DYNC2H1: variants seen among roughly 807,000 people sequenced by gnomAD.
DYNC2H1 encodes cytoplasmic dynein 2 heavy chain 1.
DYNC2H1 carries 410 observed loss-of-function variants against 570.0 expected under a neutral mutation model. The observed-to-expected ratio is 0.72, with a 90% CI of 0.66 to 0.78. DYNC2H1 has a LOEUF of 0.78. Ranked by LOEUF, DYNC2H1 falls within the 30% of genes least tolerant of loss-of-function variation. The pLI is 0.00. For synonymous variants in DYNC2H1, 1,688 were observed against 1,677.6 expected (o/e 1.01, Z -0.15); for missense variants, 4,865 against 5,046.4 (o/e 0.96, Z 1.09).
rs549847753 is a variant in DYNC2H1, at chr11:103,151,672, G to C, written c.2947-464G>C. 7.4e-4 allele frequency among the ~76,000 whole-genome samples: 112 copies of C among 152,196 alleles called. No homozygotes were observed. Among genetic ancestry groups the C allele is most frequent in the African/African-American group, 2.6e-3 (110 of 41,542 alleles). ...TGAGCTTAATTTCACTTCTTTAGTTGTCTGTTTCTTAAGTACCTTTTTTCA... is the reference window on the plus strand; with the variant it reads ...TGAGCTTAATTTCACTTCTTTAGTTCTCTGTTTCTTAAGTACCTTTTTTCA... On this transcript the variant is annotated intron_variant, in intron 20 of 88. Transcript: ENST00000375735. This position sits in a 1 kb window ranked among gnomAD's most constrained non-coding sequence, Gnocchi z 4.6.
intron 84 of DYNC2H1, among the ~76,000 whole-genome samples, chr11:103,423,419 A>C (rs56403336): frequency 3.3e-5 from 1 of 30,064 alleles, no homozygotes; most frequent in South Asian, 1.9e-3. Context: ...AAAAAAAAAA[A>C]AAAAAAAAAA....
intron 87 of DYNC2H1, among the ~76,000 whole-genome samples, chr11:103,457,930 A>G (rs1015542288): frequency 6.6e-6 from 1 of 152,250 alleles, no homozygotes; most frequent in Non-Finnish European, 1.5e-5. Flanking sequence ...CTTAAAACAT[A>G]AACACGAGAT....
intron 70 of DYNC2H1, among the ~76,000 whole-genome samples, chr11:103,267,179 T>C (rs989861018): frequency 1.6e-4 from 24 of 152,010 alleles, no homozygotes; most frequent in Non-Finnish European, 1.2e-4. Context: ...CCAGAGCCAC[T>C]GAGGGCCAGG....
At chr11:103,182,439 A>G (rs1861892990) in intron 40 of DYNC2H1, among the ~76,000 whole-genome samples, 1 of 151,766 alleles carries the variant, frequency 6.6e-6, no homozygotes, top group African/African-American at 2.4e-5. Flanking sequence ...AAAACATTGA[A>G]TATCTAATAT....
In DYNC2H1 at chr11:103,249,745, C is replaced by T. The variant is rs1458651539; in HGVS notation, c.10043-3540C>T. ...TGCAGTCATGTTTGAGCACAAAAAA[C>T]AGGAACACTTTCCATAACACAAAAA... is the stretch of plus-strand genomic sequence containing the variant. On this transcript the variant is annotated intron_variant, in intron 65 of 88. Coordinates refer to ENST00000375735, the MANE Select transcript of DYNC2H1 (RefSeq NM_001377.3). This position sits in a 1 kb window ranked among gnomAD's most constrained non-coding sequence, Gnocchi z 4.6. Among the ~76,000 whole-genome samples, 1 of 151,958 alleles carries T rather than the reference C, an allele frequency of 6.6e-6. No homozygotes were observed. Among genetic ancestry groups the T allele is most frequent in the Non-Finnish European group, 1.5e-5 (1 of 67,942 alleles).
chr11:103,194,244 T>G (rs191843157), intron 47 of DYNC2H1, among the ~76,000 whole-genome samples: 106 of 152,342 alleles, frequency 7.0e-4, no homozygotes, highest in Admixed American at 1.2e-3. Flanking sequence ...TTGTTTTGTT[T>G]CGATAGCTCG....
intron 82 of DYNC2H1, among the ~76,000 whole-genome samples, chr11:103,348,249 A>T (rs564125776): frequency 6.6e-6 from 1 of 152,102 alleles, no homozygotes; most frequent in Non-Finnish European, 1.5e-5. Flanking sequence ...AATTCTGTAA[A>T]CTACCTAACA....
chr11:103,440,065 G>A (rs1232632231), intron 85 of DYNC2H1, among the ~76,000 whole-genome samples: 1 of 151,964 alleles, frequency 6.6e-6, no homozygotes, highest in Non-Finnish European at 1.5e-5. Flanking sequence ...CTTTGGTTTG[G>A]TTCCTTTATC....
At chr11:103,304,832 T>G (rs1867211605) in intron 77 of DYNC2H1, 112 bp downstream of exon 77, 1 of 1,106,518 alleles carries the variant, frequency 9.0e-7, no homozygotes. Flanking sequence ...AAAAGTAATA[T>G]TTGAGAAATT....
intron 4 of DYNC2H1, among the ~76,000 whole-genome samples, chr11:103,116,213 TAATG>T (rs1163150282): frequency 1.3e-5 from 2 of 152,214 alleles, no homozygotes; most frequent in African/African-American, 4.8e-5. Flanking sequence ...TATGAATTAA[TAATG>T]AATGAATAAA....
chr11:103,300,713 A>G (rs1565476289), intron 75 of DYNC2H1, among the ~76,000 whole-genome samples: 1 of 151,972 alleles, frequency 6.6e-6, no homozygotes, highest in Admixed American at 6.6e-5. Flanking sequence ...TTAAAATTAA[A>G]AGTTATAATT....
chr11:103,324,847 CT>C lies in DYNC2H1; in HGVS notation c.12039+861del, dbSNP rs1218649968. 4.6e-5 allele frequency among the ~76,000 whole-genome samples: 7 copies of C among 152,140 alleles called. No individual in the cohort carries two copies. The highest frequency in any genetic ancestry group is 1.7e-4 in the African/African-American group (7 of 41,416). Reference sequence around the variant, plus strand: ...CCCACCAGTGGTGTGTAAGCATTCCCTTTTCTCTGCAACCTTGCCAGCACCT... The same window carrying C: ...CCCACCAGTGGTGTGTAAGCATTCCCTTTCTCTGCAACCTTGCCAGCACCT... On this transcript the variant is annotated intron_variant, in intron 82 of 88. Coordinates refer to ENST00000375735, the MANE Select transcript of DYNC2H1 (RefSeq NM_001377.3). This position sits in a 1 kb window ranked among gnomAD's most constrained non-coding sequence, Gnocchi z 5.2.
Position 103,161,007 on chromosome 11 carries a change from CT to C in DYNC2H1, c.4458del (p.Phe1486LeufsTer11), listed in dbSNP as rs1555052524. 6.5e-6 allele frequency: 10 copies of C among 1,541,698 alleles called. No homozygotes were observed. The highest frequency in any genetic ancestry group is 7.8e-6 in the Non-Finnish European group (9 of 1,148,894). The part of the protein sequence containing the change: ...AMKSLEGEVV[P>X]FKNKVPLSNN... ...AAATCTTTAGAGGGAGAAGTTGTACCTTTTAAAAATAAAGTTCCTCTATCAA... is the reference window on the plus strand; with the variant it reads ...AAATCTTTAGAGGGAGAAGTTGTACCTTTAAAAATAAAGTTCCTCTATCAA... On this transcript the variant is annotated frameshift_variant, in exon 29 of 89. Transcript: ENST00000375735. LOFTEE classifies it high-confidence loss of function.
chr11:103,376,061 T>A (rs1163814309), intron 83 of DYNC2H1, among the ~76,000 whole-genome samples: 1 of 152,212 alleles, frequency 6.6e-6, no homozygotes, highest in East Asian at 1.9e-4. Context: ...GCTGTTCTGA[T>A]GATAGTGAGT....
At chr11:103,456,975 T>C (rs1227903435) in intron 87 of DYNC2H1, among the ~76,000 whole-genome samples, 1 of 152,262 alleles carries the variant, frequency 6.6e-6, no homozygotes, top group East Asian at 1.9e-4. Context: ...AGTTCATTTG[T>C]GTATGTGCAA....
chr11:103,423,197 G>T (rs7949011), intron 84 of DYNC2H1, among the ~76,000 whole-genome samples: 16,153 of 151,818 alleles, frequency 0.11, 1,110 homozygotes, highest in African/African-American at 0.2. Context: ...ATGAAGATCA[G>T]TGGAATGGAA....
In DYNC2H1 at chr11:103,204,883, A is replaced by G. The variant is rs1320009359; in HGVS notation, c.8373A>G (p.Ile2791Met). Residue 2791 changes from isoleucine to methionine, a missense_variant, in exon 52 of 89, where the codon ATA becomes ATG. Ile to Met is a conservative substitution (Grantham distance 10). This residue lies in a region of DYNC2H1 where 2,401 missense variants were observed against 2,454.6 expected (regional missense o/e 0.98). Coordinates refer to ENST00000375735, the MANE Select transcript of DYNC2H1 (RefSeq NM_001377.3). The surrounding 1 kb of genome is among the most constrained non-coding windows in gnomAD (Gnocchi z 4.1). ...ATTCTGCAAATTCAAACTTCATGAT[A>G]AACTGTGAGAGTAATCCAGCTTTGC... The part of the protein sequence containing the change: ...IMDSANSNFM[I>M]NCESNPALHK... 1.9e-6 allele frequency: 3 copies of G among 1,592,376 alleles called. No homozygotes were observed. Among genetic ancestry groups the G allele is most frequent in the African/African-American group, 1.3e-5 (1 of 74,564 alleles).
At position 103,176,261 on chromosome 11, in the gene DYNC2H1, G is replaced by A. The variant is rs1162751820; in HGVS notation, c.5701G>A (p.Ala1901Thr). The change falls in exon 37 of 89, where the codon GCA becomes ACA. Residue 1901 changes from alanine (A) to threonine (T), a missense_variant. Transcript: ENST00000375735. ...TAATGAAAGTCATATTGTGGTACAA[G>A]CACTGAGGCTTAATACCATGTCAAA... The part of the protein sequence containing the change: ...NANESHIVVQ[A>T]LRLNTMSKFT... 3.3e-6 allele frequency: 5 copies of A among 1,525,108 alleles called. No homozygotes were observed. The highest frequency in any genetic ancestry group is 4.4e-6 in the Non-Finnish European group (5 of 1,137,138). The allele number at this position is 1,525,108 out of a possible 1,614,324, so 94.5% of individuals were successfully genotyped here. A position where few individuals can be genotyped will look rare whatever the true frequency, so the allele number is the denominator to read the frequency against.
In DYNC2H1 at chr11:103,152,176, T is replaced by G. The variant is rs572842570; in HGVS notation, c.2987T>G (p.Leu996Arg). ...LFQEAEDKNR[L>R]LRTVAGGGLE... is the part of the protein sequence containing the mutation. Reference sequence around the variant, plus strand: ...CAAGAAGCTGAAGACAAAAACAGACTTTTACGAACTGTGGCTGGTGGAGGT... The same window carrying G: ...CAAGAAGCTGAAGACAAAAACAGACGTTTACGAACTGTGGCTGGTGGAGGT... The change falls in exon 21 of 89, where the codon CTT (leucine) becomes CGT (arginine). Residue 996 changes from leucine to arginine, a missense_variant. Coordinates refer to ENST00000375735, the MANE Select transcript of DYNC2H1 (RefSeq NM_001377.3). 3 of 1,608,810 alleles carry G rather than the reference T, an allele frequency of 1.9e-6. No homozygotes were observed. In the East Asian group the frequency reaches 6.7e-5, roughly 36 times the overall value.
Sources: gnomAD v4.1 joint callset for allele counts (sites outside exome capture counted in the v4.1 genomes callset) on GRCh38, gnomAD v4.1.1 for gene constraint, gnomAD v4.1.1 regional missense constraint, Gnocchi (gnomAD v3.1) non-coding constraint, MANE v1.5 for transcripts, NCBI Gene and HGNC (gene_info 2026-07-23, HGNC 2026-07-21) for gene names.